Variants in BCAM observed in about 807,000 individuals in gnomAD.
BCAM encodes the protein basal cell adhesion molecule (Lutheran blood group).
Under a neutral mutation model 72.4 loss-of-function variants are expected in BCAM, and 61 were observed. The observed-to-expected ratio is 0.84, with a 90% CI of 0.69 to 1.04. The LOEUF (loss-of-function observed/expected upper bound fraction) is 1.04. Among genes scored for constraint, BCAM ranks in the 50% least tolerant of loss-of-function variants. The probability of loss-of-function intolerance (pLI) is 0.00; values close to 1 mark genes in which losing one functional copy is unlikely to be tolerated. For missense variants in BCAM, 909 were observed against 895.0 expected (o/e 1.02, Z -0.20); for synonymous variants, 408 against 384.2 (o/e 1.06, Z -0.73).
intron 1 of BCAM, among the ~76,000 whole-genome samples, chr19:44,810,017 G>C (rs1204658384): frequency 1.3e-5 from 2 of 152,134 alleles, no homozygotes; most frequent in African/African-American, 4.8e-5. Flanking sequence ...CTGGGGACAG[G>C]CTGGGGCCAG....
At position 44,814,670 on chromosome 19, in the gene BCAM, G is replaced by C; in HGVS notation, c.988G>C (p.Gly330Arg). 2 of 1,614,126 alleles carry C rather than the reference G, an allele frequency of 1.2e-6. No individual in the cohort carries two copies. Among genetic ancestry groups the C allele is most frequent in the Non-Finnish European group, 1.7e-6 (2 of 1,180,030 alleles). Residue 330 changes from glycine to arginine, a missense_variant, in exon 8 of 15, where the codon GGC (glycine) becomes CGC (arginine). Physicochemically the swap from Gly to Arg is moderately radical, Grantham distance 125. Coordinates refer to ENST00000270233, the MANE Select transcript of BCAM (RefSeq NM_005581.5). The surrounding 1 kb of genome is among the most constrained non-coding windows in gnomAD (Gnocchi z 4.6). Reference protein sequence around the residue: ...GNLTLEGVTRGQSGTYGCRVE... With the variant: ...GNLTLEGVTRRQSGTYGCRVE... Reference sequence around the variant, plus strand: ...CTTGACCCTGGAGGGAGTGACCCGGGGCCAGAGCGGGACCTATGGCTGCAG... The same window carrying C: ...CTTGACCCTGGAGGGAGTGACCCGGCGCCAGAGCGGGACCTATGGCTGCAG...
intron 2 of BCAM, 163 bp downstream of exon 2, chr19:44,811,509 C>G: frequency 8.1e-7 from 1 of 1,229,272 alleles, no homozygotes; most frequent in Non-Finnish European, 1.1e-6. Flanking sequence ...GCAAGGTGCC[C>G]CGTGTCTAGG....
rs1968544560 is a variant in BCAM at position 44,819,192 on chromosome 19, C to T, written c.1473C>T (p.Ser491=). 9 of 1,613,852 alleles carry T rather than the reference C, an allele frequency of 5.6e-6. No homozygotes were observed. The highest frequency in any genetic ancestry group is 1.3e-5 in the African/African-American group (1 of 74,862). Residue 491 remains serine (S), a splice_region_variant and synonymous_variant, in exon 11 of 15, where the codon AGC becomes AGT. Transcript: ENST00000270233. ...PKLSWSQLGG[S]PAEPIPGRQG... ...TCAGCTGGAGCCAATTGGGGGGCAG[C>T]GTAAGGGACCTTCCTCTCCACCCTG...
chr19:44,818,988 T>C lies in BCAM; in HGVS notation c.1337-68T>C. On this transcript the variant is annotated intron_variant, in intron 10 of 14. Coordinates refer to ENST00000270233, the MANE Select transcript of BCAM (RefSeq NM_005581.5). This position sits in a 1 kb window ranked among gnomAD's most constrained non-coding sequence, Gnocchi z 4.6. ...GTCCCTGGCTGGGGACTCCATCTTC[T>C]GCTCGATGCCTCTCTTCTCTCTCTC... 6.2e-7 allele frequency: 1 copy of C among 1,601,672 alleles called. No individual in the cohort carries two copies. Among genetic ancestry groups the C allele is most frequent in the Non-Finnish European group, 8.5e-7 (1 of 1,171,976 alleles).
chr19:44,819,842 A>G (rs890559274), intron 13 of BCAM, 116 bp downstream of exon 13: 2 of 1,423,260 alleles, frequency 1.4e-6, no homozygotes, highest in Admixed American at 2.9e-5. Flanking sequence ...ATCCCACCAC[A>G]TCCACCTCCA....
Sources: gnomAD v4.1 joint callset for allele counts (sites outside exome capture counted in the v4.1 genomes callset) on GRCh38, gnomAD v4.1.1 for gene constraint, Gnocchi (gnomAD v3.1) non-coding constraint, MANE v1.5 for transcripts, NCBI Gene and HGNC (gene_info 2026-07-23, HGNC 2026-07-21) for gene names.